The following TBC1D22A variants were observed in gnomAD, a reference collection of about 807,000 sequenced individuals.
TBC1D22A encodes the protein TBC1 domain family member 22A, also known as putative GTPase activator.
Under a neutral mutation model 60.2 loss-of-function variants are expected in TBC1D22A, and 38 were observed. The ratio of observed to expected loss-of-function variants is 0.63; its 90% CI spans 0.49 to 0.83. The LOEUF is 0.83. TBC1D22A is among the 40% of genes least tolerant of loss of function. The pLI is 0.00. For missense variants in TBC1D22A, 628 were observed against 701.0 expected (o/e 0.90, Z 1.18); for synonymous variants, 302 against 281.7 (o/e 1.07, Z -0.72).
At chr22:47,092,628 G>A (rs1358722414) in intron 11 of TBC1D22A, among the ~76,000 whole-genome samples, 1 of 152,168 alleles carries the variant, frequency 6.6e-6, no homozygotes, top group East Asian at 1.9e-4. Flanking sequence ...GCCCACCGGC[G>A]GGCCTCACAA....
chr22:47,021,625 G>A (rs1237082592), intron 10 of TBC1D22A, among the ~76,000 whole-genome samples: 12 of 151,568 alleles, frequency 7.9e-5, no homozygotes, highest in Middle Eastern at 3.5e-3. Context: ...CTCACCTGTC[G>A]CCTGGAGCTC....
chr22:46,891,026 G>A (rs915931535), intron 5 of TBC1D22A, among the ~76,000 whole-genome samples: 1 of 152,186 alleles, frequency 6.6e-6, no homozygotes, highest in African/African-American at 2.4e-5. Context: ...GCACCGGGAG[G>A]CTGCGGACGC....
chr22:47,075,715 A>C (rs780698094), intron 11 of TBC1D22A, among the ~76,000 whole-genome samples: 15 of 152,236 alleles, frequency 9.9e-5, no homozygotes, highest in Non-Finnish European at 2.1e-4. Context: ...AGTTATTTAA[A>C]TAAATGTAAA....
At chr22:46,922,249 T>C (rs1409454520) in intron 8 of TBC1D22A, among the ~76,000 whole-genome samples, 1 of 152,246 alleles carries the variant, frequency 6.6e-6, no homozygotes, top group Non-Finnish European at 1.5e-5. Context: ...TCTGTGTGTC[T>C]GTTTTTGTTA....
chr22:46,792,905 C>T, intron 2 of TBC1D22A: 2 of 1,397,052 alleles, frequency 1.4e-6, no homozygotes, highest in South Asian at 1.6e-5. Context: ...CTCCTCCTTC[C>T]CGCATTCTCC....
At chr22:46,840,699 C>T (rs2147213855) in intron 4 of TBC1D22A, among the ~76,000 whole-genome samples, 1 of 151,560 alleles carries the variant, frequency 6.6e-6, no homozygotes, top group East Asian at 1.9e-4. Context: ...CGCCACTGTA[C>T]TCCAGCCTGG....
At chr22:46,788,323 A>C (rs1190491703) in intron 1 of TBC1D22A, among the ~76,000 whole-genome samples, 1 of 152,208 alleles carries the variant, frequency 6.6e-6, no homozygotes, top group Non-Finnish European at 1.5e-5. Context: ...ATTGGGTTGC[A>C]AAGATTAAAG....
At chr22:47,126,100 G>A (rs2066446072) in intron 12 of TBC1D22A, among the ~76,000 whole-genome samples, 2 of 152,254 alleles carry the variant, frequency 1.3e-5, no homozygotes, top group Middle Eastern at 3.4e-3. Flanking sequence ...TTCCGTCTCA[G>A]CCTCCCGAGT....
At chr22:46,888,752 G>A (rs571598125) in intron 5 of TBC1D22A, among the ~76,000 whole-genome samples, 10 of 152,354 alleles carry the variant, frequency 6.6e-5, no homozygotes, top group African/African-American at 2.4e-4. Context: ...CTGTTGCCCA[G>A]GCTGGAGTGC....
intron 11 of TBC1D22A, among the ~76,000 whole-genome samples, chr22:47,080,312 C>G (rs2030427128): frequency 6.6e-6 from 1 of 152,144 alleles, no homozygotes; most frequent in South Asian, 2.1e-4. Flanking sequence ...TCAACAATGG[C>G]AGATACCCAA....
At chr22:46,833,654 T>C (rs2086402196) in intron 4 of TBC1D22A, among the ~76,000 whole-genome samples, 1 of 152,230 alleles carries the variant, frequency 6.6e-6, no homozygotes, top group South Asian at 2.1e-4. Context: ...GGAACATTTT[T>C]AAAGGAGAAG....
At chr22:47,140,342 T>G (rs886655808) in intron 12 of TBC1D22A, among the ~76,000 whole-genome samples, 1 of 151,552 alleles carries the variant, frequency 6.6e-6, no homozygotes, top group African/African-American at 2.4e-5. Context: ...GAGGCTGAGG[T>G]GGGCGGATCA....
intron 11 of TBC1D22A, among the ~76,000 whole-genome samples, chr22:47,048,437 G>GCTCAGGAGTCTCTGGTCAGAGTTCCT (rs1390916449): frequency 1.6e-4 from 24 of 152,304 alleles, no homozygotes; most frequent in African/African-American, 5.8e-4. Context: ...CCGAGACGGT[G>GCTCAGGAGTCTCTGGTCAGAGTTCCT]CTCAGGAGTC....
intron 9 of TBC1D22A, among the ~76,000 whole-genome samples, chr22:46,984,390 AAAAAAAAAAAAAAAAAG>A: frequency 7.0e-6 from 1 of 143,232 alleles, no homozygotes; most frequent in Admixed American, 6.9e-5. Flanking sequence ...AAAAAAAAAA[AAAAAAAAAAAAAAAAAG>A]AGAAGTTCCA....
At chr22:46,913,263 A>T in intron 8 of TBC1D22A, 1 of 1,185,864 alleles carries the variant, frequency 8.4e-7, no homozygotes, top group South Asian at 1.3e-5. Flanking sequence ...TTTTAATTTA[A>T]ACCTGGTTTT....
chr22:46,961,726 CG>C (rs929810662), intron 8 of TBC1D22A, among the ~76,000 whole-genome samples: 13 of 152,054 alleles, frequency 8.5e-5, no homozygotes, highest in Admixed American at 2.0e-4. Context: ...CACTCCAGGA[CG>C]GGGGCACGGA....
rs529892103 is a variant in TBC1D22A at position 46,856,747 on chromosome 22, T to G, written c.638-21906T>G. Among the ~76,000 whole-genome samples, 3 of 152,362 alleles carry G rather than the reference T, an allele frequency of 2.0e-5. No homozygotes were observed. In the South Asian group the frequency reaches 6.2e-4, roughly 32 times the overall value. ...AAACATTTTGGGTCTGTTTCTTGAT[T>G]TCCTGTCAGCAACAAATGGATATAG... On this transcript the variant is annotated intron_variant, in intron 4 of 12. Coordinates refer to ENST00000337137, the MANE Select transcript of TBC1D22A (RefSeq NM_014346.5).
At chr22:46,927,943 A>T (rs2071141517) in intron 8 of TBC1D22A, among the ~76,000 whole-genome samples, 1 of 152,222 alleles carries the variant, frequency 6.6e-6, no homozygotes, top group Admixed American at 6.5e-5. Context: ...ATAAATGGAA[A>T]GGCATCCCAT....
At chr22:46,993,489 A>C (rs1007601931) in intron 9 of TBC1D22A, among the ~76,000 whole-genome samples, 1 of 152,228 alleles carries the variant, frequency 6.6e-6, no homozygotes, top group East Asian at 1.9e-4. Flanking sequence ...TACTAATGAC[A>C]TTTTTATAAG....
Sources: gnomAD v4.1 joint callset for allele counts (sites outside exome capture counted in the v4.1 genomes callset) on GRCh38, gnomAD v4.1.1 for gene constraint, MANE v1.5 for transcripts, NCBI Gene and HGNC (gene_info 2026-07-23, HGNC 2026-07-21) for gene names.